The following SNX24 variants were observed in gnomAD, a reference collection of about 807,000 sequenced individuals.
SNX24 encodes the protein sorting nexin 24, also known as sorting nexin-24.
In SNX24, 22 loss-of-function variants were observed where a neutral mutation model predicts 28.7. The ratio of observed to expected loss-of-function variants is 0.77; its 90% CI spans 0.55 to 1.10. SNX24 has a LOEUF of 1.10. Among genes scored for constraint, SNX24 ranks in the 50% least tolerant of loss-of-function variants. The pLI is 0.00. For synonymous variants in SNX24, 69 were observed against 71.5 expected (o/e 0.96, Z 0.18); for missense variants, 221 against 201.1 (o/e 1.10, Z -0.60).
At chr5:122,985,697 G>C (rs931790710) in intron 3 of SNX24, among the ~76,000 whole-genome samples, 1 of 152,244 alleles carries the variant, frequency 6.6e-6, no homozygotes, top group South Asian at 2.1e-4. Flanking sequence ...CTTTGGGTCA[G>C]ACACTTGTTG....
chr5:122,985,271 C>G (rs116828971), intron 3 of SNX24, among the ~76,000 whole-genome samples: 4 of 152,062 alleles, frequency 2.6e-5, no homozygotes, highest in South Asian at 2.1e-4. Flanking sequence ...TGGATCCTGC[C>G]CTGGGCCAGA....
At chr5:123,007,556 C>T (rs932416543) in intron 6 of SNX24, 126 bp from the exon 7 acceptor site, 14 of 860,028 alleles carry the variant, frequency 1.6e-5, no homozygotes, top group African/African-American at 5.2e-5. Context: ...ACATGCCTGG[C>T]GATGCAGATT....
At chr5:122,895,575 T>C (rs1025670691) in intron 1 of SNX24, among the ~76,000 whole-genome samples, 2 of 152,148 alleles carry the variant, frequency 1.3e-5, no homozygotes, top group African/African-American at 4.8e-5. Context: ...GAGAGGCCCC[T>C]AGGCTGGGGG....
intron 6 of SNX24, among the ~76,000 whole-genome samples, chr5:123,007,129 T>A (rs1460667829): frequency 1.3e-5 from 2 of 152,166 alleles, no homozygotes; most frequent in Non-Finnish European, 2.9e-5. Context: ...GAGCTGTGTT[T>A]TCAAGTTTGG....
intron 4 of SNX24, 51 bp downstream of exon 4, chr5:123,000,057 G>A (rs1762191450): frequency 8.4e-7 from 1 of 1,194,262 alleles, no homozygotes; most frequent in Non-Finnish European, 1.2e-6. Flanking sequence ...ACTCTTCAAT[G>A]ACCAATTGAT....
At chr5:123,015,773 A>G (rs1167122301) in intron 5 of SNX24, among the ~76,000 whole-genome samples, 1 of 152,122 alleles carries the variant, frequency 6.6e-6, no homozygotes, top group Non-Finnish European at 1.5e-5. Flanking sequence ...AGAAAAAAAA[A>G]CACCTCAATA....
chr5:122,886,252 A>G (rs1422493857), intron 1 of SNX24, among the ~76,000 whole-genome samples: 1 of 152,230 alleles, frequency 6.6e-6, no homozygotes, highest in South Asian at 2.1e-4. Context: ...TTGCTTTGCA[A>G]ATACCTATGG....
chr5:122,870,318 A>G (rs1209001133), intron 1 of SNX24, among the ~76,000 whole-genome samples: 1 of 152,228 alleles, frequency 6.6e-6, no homozygotes, highest in East Asian at 1.9e-4. Context: ...AGCAGCAGGA[A>G]GCTCCGCTGC....
intron 1 of SNX24, among the ~76,000 whole-genome samples, chr5:122,927,278 T>A (rs912384085): frequency 6.6e-6 from 1 of 152,192 alleles, no homozygotes; most frequent in Admixed American, 6.5e-5. Context: ...TCCAAGGAGT[T>A]TGATTCAAGA....
intron 1 of SNX24, among the ~76,000 whole-genome samples, chr5:122,889,599 A>G (rs893429814): frequency 4.3e-5 from 5 of 117,160 alleles, no homozygotes; most frequent in African/African-American, 1.7e-4. Flanking sequence ...GTATGTGTAT[A>G]TATATATACA....
chr5:123,016,113 T>G (rs1762674923), intron 5 of SNX24, among the ~76,000 whole-genome samples: 1 of 152,252 alleles, frequency 6.6e-6, no homozygotes, highest in South Asian at 2.1e-4. Flanking sequence ...ACTAGAATCC[T>G]TGCCCTTATG....
intron 1 of SNX24, among the ~76,000 whole-genome samples, chr5:122,933,429 C>T (rs949442344): frequency 3.3e-5 from 5 of 152,318 alleles, no homozygotes; most frequent in African/African-American, 9.6e-5. Context: ...TCCATACTCC[C>T]AGCTCCCTTT....
chr5:123,025,884 G>A, intron 5 of SNX24: 1 of 1,614,092 alleles, frequency 6.2e-7, no homozygotes, highest in Non-Finnish European at 8.5e-7. Flanking sequence ...GTCAGGCCCA[G>A]CGTTGGCCAT....
In SNX24 at chr5:122,891,650, T is replaced by G. The variant is rs370142376; in HGVS notation, c.61-45084T>G. 1.1e-4 allele frequency among the ~76,000 whole-genome samples: 16 copies of G among 152,370 alleles called. 2 individuals are homozygous for G. Among genetic ancestry groups the G allele is most frequent in the East Asian group, 3.9e-4 (2 of 5,186 alleles). On this transcript the variant is annotated intron_variant, in intron 1 of 6. Coordinates refer to ENST00000261369, the MANE Select transcript of SNX24 (RefSeq NM_014035.4). Reference sequence around the variant, plus strand: ...TACTCCCAAAGAAGGCCTCTCATGATTCTGGAGAAGTATTACTGGATCTTC... The same window carrying G: ...TACTCCCAAAGAAGGCCTCTCATGAGTCTGGAGAAGTATTACTGGATCTTC...
chr5:122,961,288 A>G (rs961469174), intron 3 of SNX24, among the ~76,000 whole-genome samples: 9 of 152,224 alleles, frequency 5.9e-5, no homozygotes, highest in East Asian at 1.9e-4. Flanking sequence ...TTGCCATGGC[A>G]GTCTTGGTTC....
chr5:122,969,660 G>A (rs1206821003), intron 3 of SNX24, among the ~76,000 whole-genome samples: 1 of 152,038 alleles, frequency 6.6e-6, no homozygotes, highest in East Asian at 1.9e-4. Flanking sequence ...ATATTCCACA[G>A]TATTATTCCG....
chr5:122,945,979 C>A, intron 2 of SNX24, 76 bp from the exon 3 acceptor site: 1 of 717,080 alleles, frequency 1.4e-6, no homozygotes, highest in Non-Finnish European at 2.2e-6. Context: ...GCCTTTTTTC[C>A]CCAAATAATA....
chr5:122,962,136 C>A (rs1218724279), intron 3 of SNX24, among the ~76,000 whole-genome samples: 1 of 152,062 alleles, frequency 6.6e-6, no homozygotes, highest in Non-Finnish European at 1.5e-5. Context: ...GATAATTGTT[C>A]TACTTAATTT....
Position 122,989,778 on chromosome 5 carries a change from G to A in SNX24, c.250-10134G>A, listed in dbSNP as rs145719345. Reference sequence around the variant, plus strand: ...CTTGTGTATAGGTCCCTGAACAAATGTCTGTAATTTAACTCCCAAGTTATA... The same window carrying A: ...CTTGTGTATAGGTCCCTGAACAAATATCTGTAATTTAACTCCCAAGTTATA... On this transcript the variant is annotated intron_variant, in intron 3 of 6. Coordinates refer to ENST00000261369, the MANE Select transcript of SNX24 (RefSeq NM_014035.4). Among the ~76,000 whole-genome samples, 622 of 152,308 alleles carry A rather than the reference G, an allele frequency of 4.1e-3. 4 individuals carry two copies. The highest frequency in any genetic ancestry group is 0.014 in the African/African-American group (587 of 41,566).
Sources: gnomAD v4.1 joint callset for allele counts (sites outside exome capture counted in the v4.1 genomes callset) on GRCh38, gnomAD v4.1.1 for gene constraint, MANE v1.5 for transcripts, NCBI Gene and HGNC (gene_info 2026-07-23, HGNC 2026-07-21) for gene names.